Variants in TAS2R1 observed in about 807,000 individuals in gnomAD.
TAS2R1 encodes the protein taste 2 receptor member 1, also known as taste receptor type 2 member 1.
For synonymous variants in TAS2R1, 141 were observed against 134.2 expected (o/e 1.05, Z -0.35); for missense variants, 370 against 353.4 (o/e 1.05, Z -0.38).
upstream of TAS2R1, among the ~76,000 whole-genome samples, chr5:9,712,632 T>C (rs916358803): frequency 2.0e-5 from 3 of 152,196 alleles, no homozygotes; most frequent in African/African-American, 7.2e-5. Context: ...CACCAACTCA[T>C]ACCTGAATTT....
At chr5:9,882,265 GATC>G in the TAS2R1 span, among the ~76,000 whole-genome samples, 1 of 152,110 alleles carries the variant, frequency 6.6e-6, no homozygotes, top group African/African-American at 2.4e-5. Flanking sequence ...CAACATCAGT[GATC>G]ATTAGAGAAA....
chr5:9,659,876 T>C (rs1464618179), intron 1 of TAS2R1: 1 of 152,058 alleles, frequency 6.6e-6, no homozygotes, highest in Admixed American at 6.6e-5. Context: ...GTGAAGACCC[T>C]TAAACTCCCA....
At chr5:9,672,196 T>C (rs1195276999) in intron 1 of TAS2R1, among the ~76,000 whole-genome samples, 2 of 152,112 alleles carry the variant, frequency 1.3e-5, no homozygotes, top group Admixed American at 6.6e-5. Flanking sequence ...CCCTTGAAGA[T>C]AACCTAGGAC....
chr5:9,843,116 C>T, the TAS2R1 span, among the ~76,000 whole-genome samples: 2,263 of 152,236 alleles, frequency 0.015, 23 homozygotes, highest in Middle Eastern at 0.024. Context: ...TTTAACCTCT[C>T]ACTTACTGTA....
the TAS2R1 span, among the ~76,000 whole-genome samples, chr5:9,813,232 A>G: frequency 6.6e-6 from 1 of 152,192 alleles, no homozygotes; most frequent in Non-Finnish European, 1.5e-5. Context: ...GAGGCTTGGA[A>G]CAGATCTTTT....
rs368479586 is a variant in TAS2R1, at chr5:9,700,407, G to A, written c.-242+11765C>T. 3.0e-4 allele frequency among the ~76,000 whole-genome samples: 46 copies of A among 152,190 alleles called. No homozygotes were observed. The South Asian group carries it at 8.9e-3, about 30-fold the overall frequency. ...TATTACAGACCAGCCATAGATTCAC[G>A]GAAAATATACATGCTACCCTGGAGG... On this transcript the variant is annotated intron_variant, in intron 1 of 2. Coordinates refer to the TAS2R1 transcript ENST00000506620.
At chr5:9,902,579 G>C in the TAS2R1 span, 4 of 152,014 alleles carry the variant, frequency 2.6e-5, no homozygotes, top group Non-Finnish European at 5.9e-5. Context: ...ATCCATCATA[G>C]AGGTGAGGTC....
In TAS2R1 at chr5:9,628,451, T is replaced by C. The variant is rs1182425334; in HGVS notation, c.*682A>G. On this transcript the variant is annotated 3_prime_UTR_variant, in exon 1 of 1. Coordinates refer to ENST00000382492, the MANE Select transcript of TAS2R1 (RefSeq NM_019599.3). ...GTCCTCTACTCCTCCTCCTCCTCCA[T>C]CTGTCTTCCCCTTTATCAGTTGATT... Among the ~76,000 whole-genome samples, 1 of 152,206 alleles carries C rather than the reference T, an allele frequency of 6.6e-6. No homozygotes were observed. The highest frequency in any genetic ancestry group is 2.4e-5 in the African/African-American group (1 of 41,454).
At chr5:9,654,508 A>G (rs2126490818) in intron 2 of TAS2R1, among the ~76,000 whole-genome samples, 1 of 152,352 alleles carries the variant, frequency 6.6e-6, no homozygotes, top group Middle Eastern at 3.4e-3. Flanking sequence ...TTTCACTGTC[A>G]GACACCTAAG....
the TAS2R1 span, among the ~76,000 whole-genome samples, chr5:9,797,941 C>T: frequency 1.1e-4 from 16 of 152,222 alleles, no homozygotes; most frequent in African/African-American, 2.2e-4. Context: ...GATGTGTATA[C>T]GAATGTTCAC....
At chr5:9,772,877 A>G in the TAS2R1 span, among the ~76,000 whole-genome samples, 1 of 151,826 alleles carries the variant, frequency 6.6e-6, no homozygotes, top group Non-Finnish European at 1.5e-5. Context: ...TTTTCAGTCT[A>G]TGTGTTCTTT....
At chr5:9,792,236 C>G in the TAS2R1 span, among the ~76,000 whole-genome samples, 1 of 152,138 alleles carries the variant, frequency 6.6e-6, no homozygotes, top group Non-Finnish European at 1.5e-5. Flanking sequence ...CACAGAAACA[C>G]ACACATATAT....
At chr5:9,900,798 T>C in the TAS2R1 span, among the ~76,000 whole-genome samples, 2 of 152,040 alleles carry the variant, frequency 1.3e-5, no homozygotes, top group African/African-American at 2.4e-5. Flanking sequence ...TTTTTTTTTG[T>C]ATTTTTAGTA....
At chr5:9,675,943 G>A (rs944299361) in intron 1 of TAS2R1, among the ~76,000 whole-genome samples, 4 of 152,136 alleles carry the variant, frequency 2.6e-5, no homozygotes, top group Non-Finnish European at 4.4e-5. Context: ...GATCTTAGAA[G>A]AAAAGCTTCT....
chr5:9,862,701 G>A, the TAS2R1 span, among the ~76,000 whole-genome samples: 1 of 152,000 alleles, frequency 6.6e-6, no homozygotes, highest in Non-Finnish European at 1.5e-5. Context: ...CCCATCTCTT[G>A]CCCCCTGGGC....
At chr5:9,639,170 T>C (rs548828870) in intron 2 of TAS2R1, among the ~76,000 whole-genome samples, 1 of 152,306 alleles carries the variant, frequency 6.6e-6, no homozygotes, top group Admixed American at 6.5e-5. Context: ...CAATTTCTGA[T>C]GGGAACTTCC....
At chr5:9,728,227 T>C in the TAS2R1 span, among the ~76,000 whole-genome samples, 1 of 152,218 alleles carries the variant, frequency 6.6e-6, no homozygotes, top group Non-Finnish European at 1.5e-5. Flanking sequence ...AGAGATAATG[T>C]AGATTAAACT....
intron 2 of TAS2R1, among the ~76,000 whole-genome samples, chr5:9,643,071 C>A (rs1331087153): frequency 6.6e-6 from 1 of 151,946 alleles, no homozygotes; most frequent in East Asian, 1.9e-4. Flanking sequence ...CCTCCCATAC[C>A]CCAGCACACA....
chr5:9,864,247 G>A, the TAS2R1 span, among the ~76,000 whole-genome samples: 1 of 152,136 alleles, frequency 6.6e-6, no homozygotes, highest in African/African-American at 2.4e-5. Flanking sequence ...AAGAGGTGGA[G>A]GAAAGAGATG....
Sources: allele counts gnomAD v4.1 joint callset (sites outside exome capture counted in the v4.1 genomes callset), GRCh38; gene constraint gnomAD v4.1.1; transcripts MANE v1.5; gene names NCBI Gene and HGNC (gene_info 2026-07-23, HGNC 2026-07-21).